The following RBFOX1 variants were observed in gnomAD, a reference collection of about 807,000 sequenced individuals.
RBFOX1 encodes the protein RNA binding fox-1 homolog 1.
In RBFOX1, 8 loss-of-function variants were observed where a neutral mutation model predicts 57.7. The ratio of observed to expected loss-of-function variants is 0.14; its 90% CI spans 0.08 to 0.25. RBFOX1 has a LOEUF of 0.25. RBFOX1 is among the 10% of genes least tolerant of loss of function. The probability of loss-of-function intolerance (pLI) is 1.00; values close to 1 mark genes in which losing one functional copy is unlikely to be tolerated. For synonymous variants in RBFOX1, 326 were observed against 222.4 expected (o/e 1.47, Z -4.15); for missense variants, 611 against 548.5 (o/e 1.11, Z -1.14).
chr16:6,728,070 T>G (rs2067657704), intron 3 of RBFOX1, among the ~76,000 whole-genome samples: 1 of 152,224 alleles, frequency 6.6e-6, no homozygotes, highest in South Asian at 2.1e-4. Flanking sequence ...AGTCAGGATT[T>G]TAGCATAGAG....
intron 3 of RBFOX1, among the ~76,000 whole-genome samples, chr16:5,647,474 G>C (rs559221509): frequency 1.3e-5 from 2 of 152,248 alleles, no homozygotes; most frequent in Non-Finnish European, 2.9e-5. Flanking sequence ...CCACTTCACG[G>C]GGTTATTGTG....
intron 4 of RBFOX1, among the ~76,000 whole-genome samples, chr16:7,059,902 T>G (rs909654842): frequency 2.6e-5 from 4 of 152,198 alleles, no homozygotes; most frequent in Non-Finnish European, 5.9e-5. Context: ...AAGAGCTGTT[T>G]CTATGAAAAC....
intron 4 of RBFOX1, among the ~76,000 whole-genome samples, chr16:6,006,142 G>T (rs1422158145): frequency 6.6e-6 from 1 of 152,194 alleles, no homozygotes; most frequent in East Asian, 1.9e-4. Context: ...TGGCTGTTTA[G>T]CATCTGTATA....
intron 2 of RBFOX1, among the ~76,000 whole-genome samples, chr16:6,509,170 C>G (rs548932915): frequency 1.3e-5 from 2 of 152,138 alleles, no homozygotes; most frequent in South Asian, 2.1e-4. Flanking sequence ...AGAGGATCTT[C>G]CAGTAAAATC....
chr16:5,977,215 G>C (rs1396061430), intron 4 of RBFOX1, among the ~76,000 whole-genome samples: 1 of 152,122 alleles, frequency 6.6e-6, no homozygotes, highest in Non-Finnish European at 1.5e-5. Context: ...AAAAACTCTG[G>C]TGACTTTGGA....
intron 2 of RBFOX1, among the ~76,000 whole-genome samples, chr16:5,476,608 T>A (rs539629623): frequency 6.6e-6 from 1 of 152,346 alleles, no homozygotes; most frequent in South Asian, 2.1e-4. Flanking sequence ...TGAAGCAAAG[T>A]AAGATAAATT....
intron 3 of RBFOX1, among the ~76,000 whole-genome samples, chr16:6,854,827 C>G (rs918978695): frequency 7.2e-5 from 11 of 151,936 alleles, no homozygotes; most frequent in African/African-American, 1.7e-4. Flanking sequence ...ATCTCCTGAC[C>G]TCGTGATCCG....
chr16:6,591,894 C>T (rs1241437683), intron 2 of RBFOX1, among the ~76,000 whole-genome samples: 2 of 152,234 alleles, frequency 1.3e-5, no homozygotes, highest in South Asian at 2.1e-4. Flanking sequence ...AACACATTTG[C>T]TTTGTGAACT....
intron 4 of RBFOX1, among the ~76,000 whole-genome samples, chr16:7,484,363 G>T (rs73500387): frequency 6.6e-6 from 1 of 152,146 alleles, no homozygotes; most frequent in South Asian, 2.1e-4. Context: ...TAGAAATGCT[G>T]GGAGACATGG....
At chr16:7,441,229 A>G (rs762402314) in intron 4 of RBFOX1, among the ~76,000 whole-genome samples, 1 of 152,192 alleles carries the variant, frequency 6.6e-6, no homozygotes, top group Non-Finnish European at 1.5e-5. Flanking sequence ...CGACCTCTGA[A>G]AGCTCTGCAA....
chr16:6,087,920 G>C (rs991104353), intron 1 of RBFOX1, among the ~76,000 whole-genome samples: 2 of 152,084 alleles, frequency 1.3e-5, no homozygotes, highest in Admixed American at 1.3e-4. Flanking sequence ...CAAAATGCTG[G>C]GATTACAGGC....
At chr16:7,638,629 T>A (rs1301641027) in intron 11 of RBFOX1, among the ~76,000 whole-genome samples, 2 of 150,808 alleles carry the variant, frequency 1.3e-5, no homozygotes, top group African/African-American at 4.8e-5. Context: ...AAAGGCTGGA[T>A]GTTATTAATA....
chr16:5,800,260 T>C (rs540940621), intron 3 of RBFOX1, among the ~76,000 whole-genome samples: 2 of 152,284 alleles, frequency 1.3e-5, no homozygotes, highest in East Asian at 3.9e-4. Flanking sequence ...GTGTGTAGCC[T>C]AATTTTGGAT....
intron 1 of RBFOX1, among the ~76,000 whole-genome samples, chr16:6,172,867 C>T (rs764389014): frequency 3.9e-5 from 6 of 152,148 alleles, no homozygotes; most frequent in African/African-American, 7.2e-5. Flanking sequence ...GGTCAGAACT[C>T]GACACTAGTC....
intron 3 of RBFOX1, among the ~76,000 whole-genome samples, chr16:7,043,691 C>T (rs769536803): frequency 2.0e-5 from 3 of 152,172 alleles, no homozygotes; most frequent in Admixed American, 6.5e-5. Flanking sequence ...TTATTGTGGA[C>T]ATGAAAACAT....
intron 4 of RBFOX1, among the ~76,000 whole-genome samples, chr16:5,911,098 C>T (rs2058592103): frequency 1.3e-5 from 2 of 152,178 alleles, no homozygotes; most frequent in Admixed American, 6.5e-5. Flanking sequence ...GGAACAGAAA[C>T]TAAGGTACTC....
At chr16:6,724,457 C>T (rs1393516268) in intron 3 of RBFOX1, among the ~76,000 whole-genome samples, 1 of 152,106 alleles carries the variant, frequency 6.6e-6, no homozygotes, top group Non-Finnish European at 1.5e-5. Context: ...ATCCACCCAC[C>T]TCGTCCTCCC....
At chr16:6,057,326 A>C (rs575506643) in intron 1 of RBFOX1, among the ~76,000 whole-genome samples, 3 of 152,158 alleles carry the variant, frequency 2.0e-5, no homozygotes, top group East Asian at 3.9e-4. Flanking sequence ...TTATAGTTTA[A>C]TATCATGCAA....
chr16:6,810,703 G>T (rs765846386), intron 3 of RBFOX1, among the ~76,000 whole-genome samples: 23 of 152,114 alleles, frequency 1.5e-4, no homozygotes, highest in Non-Finnish European at 4.4e-5. Context: ...AATCACGGTG[G>T]AAGGCAAAAG....
Sources: allele counts gnomAD v4.1 joint callset (sites outside exome capture counted in the v4.1 genomes callset), GRCh38; gene constraint gnomAD v4.1.1; transcripts MANE v1.5; gene names NCBI Gene and HGNC (gene_info 2026-07-23, HGNC 2026-07-21).